Variants in EYS observed in about 807,000 individuals in gnomAD.
EYS encodes the protein protein eyes shut homolog.
Under a neutral mutation model 282.1 loss-of-function variants are expected in EYS, and 250 were observed. The ratio of observed to expected loss-of-function variants is 0.89; its 90% CI spans 0.80 to 0.98. The LOEUF (loss-of-function observed/expected upper bound fraction) is 0.98. Among genes scored for constraint, EYS ranks in the 50% least tolerant of loss-of-function variants. The probability of loss-of-function intolerance (pLI) is 0.00; values close to 1 mark genes in which losing one functional copy is unlikely to be tolerated. For synonymous variants in EYS, 1,355 were observed against 1,282.9 expected, an observed-to-expected ratio of 1.06 and a Z score of -1.20; for missense variants, 4,016 against 3,709.0, an observed-to-expected ratio of 1.08 and a Z score of -2.15.
intron 33 of EYS, among the ~76,000 whole-genome samples, chr6:64,009,579 C>T (rs931728360): frequency 3.3e-5 from 5 of 152,158 alleles, no homozygotes; most frequent in East Asian, 1.9e-4. Flanking sequence ...CCACTTCTCC[C>T]GGCCAGCTTG....
intron 13 of EYS, among the ~76,000 whole-genome samples, chr6:65,041,838 G>A (rs764353135): frequency 1.3e-5 from 2 of 151,412 alleles, no homozygotes; most frequent in Admixed American, 6.6e-5. Flanking sequence ...TCCAGCTCCA[G>A]TACAAATTTC....
chr6:63,781,547 G>A (rs187976810), intron 39 of EYS, among the ~76,000 whole-genome samples: 143 of 148,634 alleles, frequency 9.6e-4, no homozygotes, highest in African/African-American at 3.2e-3. Flanking sequence ...TTGGCTCTCT[G>A]TTTGTCTGTT....
rs1292738611 is a variant in EYS at position 63,721,158 on chromosome 6, T to C, written c.8873A>G (p.Lys2958Arg). Residue 2958 changes from lysine to arginine, a missense_variant, in exon 43 of 43, where the codon AAA (lysine) becomes AGA (arginine). Transcript: ENST00000503581. ...CENKTSFSTA[K>R]FMGNSYIKYI... ...TTTAATGTAAGAATTACCCATAAAT[T>C]TTGCAGTTGAAAATGAAGTTTTGTT... 2 of 1,551,566 alleles carry C rather than the reference T, an allele frequency of 1.3e-6. No individual in the cohort carries two copies. Among genetic ancestry groups the C allele is most frequent in the Admixed American group, 3.9e-5 (2 of 50,982 alleles).
intron 13 of EYS, among the ~76,000 whole-genome samples, chr6:65,046,144 C>T (rs1049922515): frequency 1.3e-5 from 2 of 151,766 alleles, no homozygotes; most frequent in Admixed American, 6.6e-5. Flanking sequence ...CAATTCTGGA[C>T]TACTCCAACT....
intron 31 of EYS, among the ~76,000 whole-genome samples, chr6:64,124,757 A>G (rs972667466): frequency 2.6e-5 from 4 of 152,152 alleles, no homozygotes; most frequent in Admixed American, 6.5e-5. Context: ...ATTGTATCAT[A>G]TAAATAAAAC....
intron 32 of EYS, among the ~76,000 whole-genome samples, chr6:64,076,922 TAA>T (rs140321797): frequency 0.017 from 2,577 of 152,060 alleles, 75 homozygotes; most frequent in African/African-American, 0.058. Flanking sequence ...AGCTATCTAC[TAA>T]AAGGTGAGAA....
intron 1 of EYS, among the ~76,000 whole-genome samples, chr6:65,686,714 A>G (rs1769027791): frequency 6.6e-6 from 1 of 152,100 alleles, no homozygotes; most frequent in Non-Finnish European, 1.5e-5. Context: ...GCAAGAAAGT[A>G]TTATTATCTG....
chr6:65,206,026 T>A (rs538828191), intron 12 of EYS, among the ~76,000 whole-genome samples: 1 of 151,590 alleles, frequency 6.6e-6, no homozygotes, highest in Admixed American at 6.6e-5. Context: ...AGAAAAGAAA[T>A]AACAGATATC....
At chr6:64,443,791 G>T (rs1234635589) in intron 26 of EYS, among the ~76,000 whole-genome samples, 3 of 152,076 alleles carry the variant, frequency 2.0e-5, no homozygotes, top group East Asian at 1.9e-4. Flanking sequence ...GGCCATGATT[G>T]TGAGGCCTCC....
chr6:64,915,452 C>T (rs1213021197), intron 15 of EYS, among the ~76,000 whole-genome samples: 1 of 152,074 alleles, frequency 6.6e-6, no homozygotes, highest in African/African-American at 2.4e-5. Context: ...TGCACTCTTT[C>T]ATTTAGGAAG....
intron 15 of EYS, among the ~76,000 whole-genome samples, chr6:64,930,461 T>TAAAAAAAAAAAAAAAAAAAAAAAAA: frequency 8.1e-6 from 1 of 123,032 alleles, no homozygotes; most frequent in African/African-American, 3.0e-5. Flanking sequence ...ATAAATAAGG[T>TAAAAAAAAAAAAAAAAAAAAAAAAA]AAAAAAAAAA....
chr6:65,189,964 A>C (rs1283530420), intron 12 of EYS, among the ~76,000 whole-genome samples: 1 of 151,806 alleles, frequency 6.6e-6, no homozygotes, highest in African/African-American at 2.4e-5. Flanking sequence ...TCTTCCGTTC[A>C]GGTTCCTCGG....
chr6:64,134,549 G>A (rs1306791964), intron 31 of EYS, among the ~76,000 whole-genome samples: 3 of 151,994 alleles, frequency 2.0e-5, no homozygotes, highest in East Asian at 1.9e-4. Context: ...GGATTAGAGG[G>A]CAAAAAATCT....
intron 22 of EYS, among the ~76,000 whole-genome samples, chr6:64,793,954 G>A (rs559709330): frequency 2.6e-5 from 4 of 152,104 alleles, no homozygotes; most frequent in Admixed American, 2.0e-4. Flanking sequence ...TATTTATTTT[G>A]CATAACAAAA....
chr6:63,972,191 G>T (rs1008035316), intron 35 of EYS, among the ~76,000 whole-genome samples: 3 of 152,062 alleles, frequency 2.0e-5, no homozygotes, highest in Non-Finnish European at 2.9e-5. Context: ...TTTTTTAGAG[G>T]ATTGCTTTTG....
intron 29 of EYS, among the ~76,000 whole-genome samples, chr6:64,319,037 A>G (rs551814599): frequency 2.6e-5 from 4 of 151,744 alleles, no homozygotes; most frequent in African/African-American, 9.6e-5. Context: ...TTTTGTGCGT[A>G]TTAACCTTTC....
rs1319482879 is a variant in EYS at position 65,495,543 on chromosome 6, C to G, written c.-133G>C. 3 of 838,850 alleles carry G rather than the reference C, an allele frequency of 3.6e-6. No homozygotes were observed. The highest frequency in any genetic ancestry group is 3.8e-6 in the Non-Finnish European group (2 of 526,630). 52.0% of individuals were successfully genotyped at this position (838,850 alleles called of 1,614,324 possible). ...ATTGGAATTGACCTTTTTTCTATAC[C>G]CAAAGTAGCTTTGATGACAATGTGC... On this transcript the variant is annotated 5_prime_UTR_variant, in exon 4 of 43. Transcript: ENST00000503581.
At chr6:64,072,434 C>T (rs939178328) in intron 32 of EYS, among the ~76,000 whole-genome samples, 1 of 151,090 alleles carries the variant, frequency 6.6e-6, no homozygotes, top group Non-Finnish European at 1.5e-5. Context: ...CCCATGGCTT[C>T]CTATTCAGCT....
chr6:65,033,782 C>T (rs2150145267), intron 13 of EYS, among the ~76,000 whole-genome samples: 1 of 152,278 alleles, frequency 6.6e-6, no homozygotes, highest in South Asian at 2.1e-4. Context: ...GGGTTGGAGC[C>T]TTCACACAGA....
Sources: gnomAD v4.1 joint callset for allele counts (sites outside exome capture counted in the v4.1 genomes callset) on GRCh38, gnomAD v4.1.1 for gene constraint, MANE v1.5 for transcripts, NCBI Gene and HGNC (gene_info 2026-07-23, HGNC 2026-07-21) for gene names.